ANK2: variants seen among roughly 807,000 people sequenced by gnomAD.
The protein encoded by ANK2 is ankyrin 2, also known as ankyrin-2.
A neutral mutation model predicts 360.5 loss-of-function variants in ANK2; 83 were observed. The observed-to-expected ratio is 0.23, with a 90% CI of 0.19 to 0.28. ANK2 has a LOEUF of 0.28. Ranked by LOEUF, ANK2 falls within the 10% of genes least tolerant of loss-of-function variation. ANK2 has a pLI of 1.00. For synonymous variants in ANK2, 1,740 were observed against 1,759.5 expected, an observed-to-expected ratio of 0.99 and a Z score of 0.28; for missense variants, 4,201 against 4,795.7, an observed-to-expected ratio of 0.88 and a Z score of 3.66.
chr4:112,926,863 G>A (rs1434488354), intron 2 of ANK2, among the ~76,000 whole-genome samples: 1 of 152,060 alleles, frequency 6.6e-6, no homozygotes, highest in African/African-American at 2.4e-5. Flanking sequence ...CCATTCTCAC[G>A]CTGCTCTAAG....
intron 1 of ANK2, among the ~76,000 whole-genome samples, chr4:113,157,267 T>C (rs763864802): frequency 3.5e-4 from 53 of 152,334 alleles, no homozygotes; most frequent in Non-Finnish European, 4.6e-4. Context: ...AGGTTTCATC[T>C]ATCTTGGAAG....
At chr4:113,258,602 G>A (rs184594460) in intron 13 of ANK2, among the ~76,000 whole-genome samples, 191 bp downstream of exon 13, 2 of 152,300 alleles carry the variant, frequency 1.3e-5, no homozygotes, top group African/African-American at 4.8e-5. Flanking sequence ...TAGGGTAAGA[G>A]GTGTTATAAA....
At chr4:112,987,540 G>A (rs1049015697) in intron 2 of ANK2, among the ~76,000 whole-genome samples, 4 of 152,062 alleles carry the variant, frequency 2.6e-5, no homozygotes, top group African/African-American at 9.7e-5. Flanking sequence ...AATTGCTTGT[G>A]GCAGGACAAG....
the ANK2 span, among the ~76,000 whole-genome samples, chr4:112,707,315 GT>G: frequency 6.6e-6 from 1 of 152,184 alleles, no homozygotes; most frequent in Non-Finnish European, 1.5e-5. Flanking sequence ...ATTTTAATAT[GT>G]GTAAGTAGTG....
chr4:112,964,284 T>C (rs2036193812), intron 2 of ANK2, among the ~76,000 whole-genome samples: 1 of 151,520 alleles, frequency 6.6e-6, no homozygotes, highest in Non-Finnish European at 1.5e-5. Context: ...ATTAAATTAT[T>C]TTTTGTACCC....
intron 20 of ANK2, 28 bp from the exon 21 acceptor site, chr4:113,292,388 C>A: frequency 1.3e-6 from 2 of 1,587,720 alleles, no homozygotes; most frequent in Non-Finnish European, 8.6e-7. Context: ...CAATCGGGTG[C>A]TGGGCCCGCC....
At chr4:112,790,189 A>G in the ANK2 span, among the ~76,000 whole-genome samples, 1 of 152,212 alleles carries the variant, frequency 6.6e-6, no homozygotes, top group Non-Finnish European at 1.5e-5. Flanking sequence ...AATAAATAAG[A>G]GAAGACTGAT....
the ANK2 span, among the ~76,000 whole-genome samples, chr4:112,738,213 C>A: frequency 6.6e-6 from 1 of 152,032 alleles, no homozygotes; most frequent in African/African-American, 2.4e-5. Flanking sequence ...AGTTCGAGAC[C>A]AGCCTAGCCA....
the ANK2 span, among the ~76,000 whole-genome samples, chr4:112,762,885 TTA>T: frequency 2.0e-5 from 3 of 152,364 alleles, no homozygotes; most frequent in South Asian, 2.1e-4. Flanking sequence ...AAAACTATTT[TTA>T]TGTTTATGCT....
chr4:113,163,965 C>T (rs1392595802), intron 1 of ANK2, among the ~76,000 whole-genome samples: 2 of 152,100 alleles, frequency 1.3e-5, no homozygotes, highest in African/African-American at 4.8e-5. Context: ...TAGTCATTCT[C>T]CATTTCTCTA....
the ANK2 span, among the ~76,000 whole-genome samples, chr4:112,725,708 A>G: frequency 3.3e-5 from 5 of 151,926 alleles, no homozygotes; most frequent in Admixed American, 2.0e-4. Flanking sequence ...CCAAATATAT[A>G]AGGTACCTAG....
intron 4 of ANK2, among the ~76,000 whole-genome samples, chr4:113,215,376 A>G (rs1413701128): frequency 6.6e-6 from 1 of 152,194 alleles, no homozygotes; most frequent in African/African-American, 2.4e-5. Context: ...AATGCATGTA[A>G]TAAGTGCAAT....
intron 26 of ANK2, among the ~76,000 whole-genome samples, chr4:113,328,803 T>C (rs1201574101): frequency 1.3e-5 from 2 of 152,254 alleles, no homozygotes; most frequent in African/African-American, 4.8e-5. Context: ...ACAGGATTTC[T>C]GTTTAATAGC....
intron 14 of ANK2, among the ~76,000 whole-genome samples, chr4:113,268,490 C>T (rs528726963): frequency 6.6e-6 from 1 of 152,288 alleles, no homozygotes; most frequent in Non-Finnish European, 1.5e-5. Flanking sequence ...GTTTTTTCTA[C>T]ATCTATTGAG....
At chr4:113,323,402 C>G (rs2087611930) in intron 26 of ANK2, among the ~76,000 whole-genome samples, 1 of 152,094 alleles carries the variant, frequency 6.6e-6, no homozygotes, top group African/African-American at 2.4e-5. Context: ...AAAACAAAAA[C>G]CTTTGCGTCA....
chr4:113,249,940 T>A, intron 10 of ANK2, 78 bp downstream of exon 10: 1 of 1,332,268 alleles, frequency 7.5e-7, no homozygotes, highest in Non-Finnish European at 1.1e-6. Flanking sequence ...TTTTTTAAAT[T>A]GAAACATCAG....
the ANK2 span, among the ~76,000 whole-genome samples, chr4:112,705,820 C>T: frequency 6.6e-6 from 1 of 152,210 alleles, no homozygotes; most frequent in Non-Finnish European, 1.5e-5. Flanking sequence ...GCAGCTCGCA[C>T]TTTCAGAGCA....
At chr4:113,240,708 G>A in intron 8 of ANK2, 125 bp downstream of exon 8, 1 of 799,322 alleles carries the variant, frequency 1.3e-6, no homozygotes, top group Admixed American at 2.4e-5. Flanking sequence ...CTGTGCTGGA[G>A]ATACTAGATT....
At chr4:113,314,710 T>C (rs1418892119) in intron 24 of ANK2, among the ~76,000 whole-genome samples, 4 of 152,226 alleles carry the variant, frequency 2.6e-5, no homozygotes, top group Non-Finnish European at 5.9e-5. Context: ...AATAATTCTT[T>C]AGTTATTATT....
Sources: allele counts gnomAD v4.1 joint callset (sites outside exome capture counted in the v4.1 genomes callset), GRCh38; gene constraint gnomAD v4.1.1; transcripts MANE v1.5; gene names NCBI Gene and HGNC (gene_info 2026-07-23, HGNC 2026-07-21).